Variants in ASIC2 observed in about 807,000 individuals in gnomAD.
ASIC2 encodes acid sensing ion channel subunit 2.
In ASIC2, 25 loss-of-function variants were observed where a neutral mutation model predicts 57.3. That is an observed-to-expected ratio of 0.44 (90% confidence interval 0.32 to 0.61). ASIC2 has a LOEUF of 0.61. Among genes scored for constraint, ASIC2 ranks in the 20% least tolerant of loss-of-function variants. ASIC2 has a pLI of 0.06. For synonymous variants in ASIC2, 319 were observed against 307.5 expected (o/e 1.04, Z -0.39); for missense variants, 641 against 738.1 (o/e 0.87, Z 1.52).
chr17:33,159,040 G>T (rs1905089769), intron 1 of ASIC2, among the ~76,000 whole-genome samples: 2 of 152,338 alleles, frequency 1.3e-5, no homozygotes, highest in African/African-American at 4.8e-5. Context: ...AGTGACTGGG[G>T]ATGTGCGTGG....
chr17:33,036,147 C>A (rs750994445), intron 3 of ASIC2, among the ~76,000 whole-genome samples: 56 of 152,298 alleles, frequency 3.7e-4, no homozygotes, highest in Non-Finnish European at 6.5e-4. Context: ...GCTTCTCCAC[C>A]ATTACTGAAA....
At chr17:34,148,112 A>C (rs1465526689) in intron 1 of ASIC2, among the ~76,000 whole-genome samples, 2 of 152,226 alleles carry the variant, frequency 1.3e-5, no homozygotes, top group Non-Finnish European at 2.9e-5. Context: ...CACCCCAGCC[A>C]ATAAGCTTCC....
intron 1 of ASIC2, among the ~76,000 whole-genome samples, chr17:33,199,540 T>G (rs1041389102): frequency 6.6e-6 from 1 of 152,214 alleles, no homozygotes; most frequent in Admixed American, 6.5e-5. Flanking sequence ...ATTCATAACT[T>G]TCATGTGCTG....
At chr17:33,188,132 A>G (rs1906275569) in intron 1 of ASIC2, among the ~76,000 whole-genome samples, 1 of 152,090 alleles carries the variant, frequency 6.6e-6, no homozygotes, top group African/African-American at 2.4e-5. Context: ...GAAGACATAA[A>G]AAGGACCCAA....
chr17:33,330,313 C>T (rs1212076203), intron 1 of ASIC2, among the ~76,000 whole-genome samples: 3 of 152,156 alleles, frequency 2.0e-5, no homozygotes, highest in Non-Finnish European at 4.4e-5. Context: ...CCCAAGTTTC[C>T]CAGCTCATTC....
chr17:34,119,992 C>T (rs564077252), intron 1 of ASIC2: 2 of 152,388 alleles, frequency 1.3e-5, no homozygotes, highest in East Asian at 3.9e-4. Flanking sequence ...GAACAGCAGG[C>T]AGGCTCATTC....
Position 33,831,327 on chromosome 17 carries a change from G to A in ASIC2, c.555+324651C>T, listed in dbSNP as rs554039624. Among the ~76,000 whole-genome samples the A allele has an allele frequency of 1.6e-4, 25 of 152,018 alleles. 1 individual carries two copies. The South Asian group carries it at 3.8e-3, about 23-fold the overall frequency. On this transcript the variant is annotated intron_variant, in intron 1 of 9. Transcript: ENST00000359872. ...CAGACATGAGATTGAAATAGGTTGT[G>A]AAAACACTGCCTAATGATCCCTCCC... is the stretch of plus-strand genomic sequence containing the variant.
intron 1 of ASIC2, among the ~76,000 whole-genome samples, chr17:33,673,769 G>A (rs1430219990): frequency 1.3e-5 from 2 of 151,916 alleles, no homozygotes; most frequent in African/African-American, 2.4e-5. Context: ...AATATCCAAA[G>A]AAGTGGCTCC....
At chr17:33,414,907 T>C (rs1201285975) in intron 1 of ASIC2, among the ~76,000 whole-genome samples, 2 of 152,174 alleles carry the variant, frequency 1.3e-5, no homozygotes, top group African/African-American at 4.8e-5. Flanking sequence ...TCTACTTTCT[T>C]CTAATCAGGA....
At position 33,130,750 on chromosome 17, in the gene ASIC2, G is replaced by T. The variant is rs190616660; in HGVS notation, c.709-18683C>A. Among the ~76,000 whole-genome samples, 29 of 152,334 alleles carry T rather than the reference G, an allele frequency of 1.9e-4. No individual in the cohort carries two copies. The East Asian group carries it at 5.0e-3, about 26-fold the overall frequency. ...CTGGATTCTCCAGAGCCATGAACTG[G>T]AGCCCGAGCTCCTCATTCCAGATCA... On this transcript the variant is annotated intron_variant, in intron 1 of 9. Transcript: ENST00000225823.
chr17:33,339,211 T>G (rs1239567572), intron 1 of ASIC2, among the ~76,000 whole-genome samples: 2 of 152,162 alleles, frequency 1.3e-5, no homozygotes, highest in Admixed American at 1.3e-4. Flanking sequence ...GGCTTCACCC[T>G]CAGATGAGCT....
chr17:33,649,425 C>T (rs1442049405), intron 1 of ASIC2, among the ~76,000 whole-genome samples: 3 of 152,190 alleles, frequency 2.0e-5, no homozygotes, highest in Non-Finnish European at 1.5e-5. Flanking sequence ...ATACCATGTT[C>T]ACGGATTGAA....
At chr17:33,600,528 T>C (rs1905095373) in intron 1 of ASIC2, among the ~76,000 whole-genome samples, 1 of 152,154 alleles carries the variant, frequency 6.6e-6, no homozygotes. Flanking sequence ...GACTAGGTAA[T>C]GGGTAGAGGT....
intron 1 of ASIC2, among the ~76,000 whole-genome samples, chr17:33,165,081 A>T (rs1400325504): frequency 6.6e-6 from 1 of 152,212 alleles, no homozygotes; most frequent in Non-Finnish European, 1.5e-5. Context: ...AATCCCTAGC[A>T]TAGAACCTGG....
intron 1 of ASIC2, among the ~76,000 whole-genome samples, chr17:33,844,419 G>A (rs1028936782): frequency 5.9e-5 from 9 of 152,058 alleles, no homozygotes; most frequent in African/African-American, 2.2e-4. Context: ...TTTAGATCAC[G>A]GCAAGGAGGG....
At chr17:33,269,642 C>A (rs561167490) in intron 1 of ASIC2, among the ~76,000 whole-genome samples, 60 of 73,404 alleles carry the variant, frequency 8.2e-4, no homozygotes, top group East Asian at 7.1e-3. Context: ...TTCCTTCCTT[C>A]CTTCCTTCCT....
At chr17:34,013,044 G>A (rs1464345419) in intron 1 of ASIC2, among the ~76,000 whole-genome samples, 1 of 152,216 alleles carries the variant, frequency 6.6e-6, no homozygotes, top group Non-Finnish European at 1.5e-5. Flanking sequence ...AGTTGATCAT[G>A]TGCCCTGGCT....
At chr17:33,409,153 T>C (rs1226385487) in intron 1 of ASIC2, among the ~76,000 whole-genome samples, 1 of 152,102 alleles carries the variant, frequency 6.6e-6, no homozygotes, top group Non-Finnish European at 1.5e-5. Flanking sequence ...AGGCAGAGGT[T>C]GTAGTGAGCC....
Position 33,305,246 on chromosome 17 carries a change from C to T in ASIC2, c.556-193179G>A, listed in dbSNP as rs556216466. Among the ~76,000 whole-genome samples, 63 of 152,224 alleles carry T rather than the reference C, an allele frequency of 4.1e-4. 1 individual carries two copies. Among genetic ancestry groups the T allele is most frequent in the African/African-American group, 1.3e-3 (54 of 41,536 alleles). ...ATCAAATGGTTTATTTCAGATTAAA[C>T]GCAGATTTTGCTGATATCAAATCCT... On this transcript the variant is annotated intron_variant, in intron 1 of 9. Coordinates refer to the ASIC2 transcript ENST00000359872.
Sources: gnomAD v4.1 joint callset for allele counts (sites outside exome capture counted in the v4.1 genomes callset) on GRCh38, gnomAD v4.1.1 for gene constraint, MANE v1.5 for transcripts, NCBI Gene and HGNC (gene_info 2026-07-23, HGNC 2026-07-21) for gene names.